TENM1: variants seen among roughly 807,000 people sequenced by gnomAD.
TENM1 encodes teneurin-1.
A neutral mutation model predicts 174.8 loss-of-function variants in TENM1; 35 were observed. The ratio of observed to expected loss-of-function variants is 0.20; its 90% CI spans 0.15 to 0.27. The LOEUF (loss-of-function observed/expected upper bound fraction) is 0.27. Ranked by LOEUF, TENM1 falls within the 10% of genes least tolerant of loss-of-function variation. The probability of loss-of-function intolerance (pLI) is 1.00; values close to 1 mark genes in which losing one functional copy is unlikely to be tolerated. For missense variants in TENM1, 1,633 were observed against 2,130.1 expected, an observed-to-expected ratio of 0.77 and a Z score of 4.59; for synonymous variants, 781 against 798.7, an observed-to-expected ratio of 0.98 and a Z score of 0.37.
chrX:124,756,199 T>A (rs968461512), intron 3 of TENM1, among the ~76,000 whole-genome samples: 1 of 103,024 alleles, frequency 9.7e-6, no homozygotes, highest in African/African-American at 4.0e-5. Context: ...TTTTTATTTT[T>A]TTTTTCTCTA....
chrX:125,109,017 C>T, the TENM1 span, among the ~76,000 whole-genome samples: 63 of 111,182 alleles, frequency 5.7e-4, 1 homozygote, highest in South Asian at 0.023. Context: ...TTTGCATCTT[C>T]TGCTCCCCTG....
chrX:124,768,421 A>C (rs2054579426), intron 3 of TENM1, among the ~76,000 whole-genome samples: 1 of 111,871 alleles, frequency 8.9e-6, no homozygotes, highest in South Asian at 3.7e-4. Context: ...TGGTATCCAA[A>C]TCTTTCTCAT....
the TENM1 span, among the ~76,000 whole-genome samples, chrX:125,059,334 T>C: frequency 3.6e-5 from 4 of 111,548 alleles, no homozygotes; most frequent in African/African-American, 1.3e-4. Context: ...AAATAAACTT[T>C]CTTTTGTTTA....
intron 11 of TENM1, among the ~76,000 whole-genome samples, chrX:124,568,815 T>A (rs1232071663): frequency 9.0e-6 from 1 of 111,565 alleles, no homozygotes; most frequent in Admixed American, 9.5e-5. Flanking sequence ...CATCTGTCAA[T>A]TATACTAGAG....
chrX:125,043,435 A>AG, the TENM1 span, among the ~76,000 whole-genome samples: 29 of 85,448 alleles, frequency 3.4e-4, no homozygotes, highest in East Asian at 0.011. Flanking sequence ...ACTGGACATC[A>AG]GAGAAATGCA....
the TENM1 span, among the ~76,000 whole-genome samples, chrX:125,014,303 A>G: frequency 2.7e-5 from 3 of 112,668 alleles, no homozygotes; most frequent in Admixed American, 2.8e-4. Flanking sequence ...ACAATTGTGG[A>G]CAACAATAAA....
exon 8 of TENM1, chrX:124,652,062 A>C: frequency 8.3e-7 from 1 of 1,211,644 alleles, no homozygotes; most frequent in Non-Finnish European, 1.1e-6. Flanking sequence ...GCTGTGTATC[A>C]TCAGAGCCCT....
intron 11 of TENM1, among the ~76,000 whole-genome samples, chrX:124,618,809 A>G (rs1035249857): frequency 8.9e-6 from 1 of 112,615 alleles, no homozygotes; most frequent in Non-Finnish European, 1.9e-5. Flanking sequence ...GACTGGGCAC[A>G]GTGGCTCATG....
At chrX:124,675,714 G>A (rs974168725) in intron 5 of TENM1, among the ~76,000 whole-genome samples, 16 of 106,692 alleles carry the variant, frequency 1.5e-4, no homozygotes, top group African/African-American at 5.5e-4. Flanking sequence ...AAAAATACAC[G>A]ATATAAAATA....
At chrX:125,010,695 T>C in the TENM1 span, among the ~76,000 whole-genome samples, 1 of 107,719 alleles carries the variant, frequency 9.3e-6, no homozygotes, top group East Asian at 2.9e-4. Context: ...GTGCCTGTAG[T>C]CCCAGCTACT....
At chrX:124,723,249 A>G (rs1050323990) in intron 4 of TENM1, among the ~76,000 whole-genome samples, 2 of 112,170 alleles carry the variant, frequency 1.8e-5, no homozygotes, top group Non-Finnish European at 3.8e-5. Flanking sequence ...ACTACTGTAC[A>G]GAAATTGGCT....
chrX:124,399,755 C>T (rs140582294), intron 27 of TENM1, among the ~76,000 whole-genome samples: 1,697 of 111,059 alleles, frequency 0.015, 31 homozygotes, highest in African/African-American at 0.052. Context: ...TGGCTTGAGT[C>T]CAGGAGTTCA....
At chrX:124,827,089 T>A (rs1411067601) in intron 3 of TENM1, among the ~76,000 whole-genome samples, 1 of 112,009 alleles carries the variant, frequency 8.9e-6, no homozygotes, top group Non-Finnish European at 1.9e-5. Flanking sequence ...CTTGCTCTGT[T>A]GCCCAGGCTG....
chrX:125,176,863 T>G, the TENM1 span, among the ~76,000 whole-genome samples: 8 of 111,719 alleles, frequency 7.2e-5, no homozygotes, highest in Non-Finnish European at 1.5e-4. Context: ...CTTCATGTAC[T>G]TTTTTATGAT....
the TENM1 span, among the ~76,000 whole-genome samples, chrX:125,149,150 G>A: frequency 0.024 from 2 of 84 alleles, no homozygotes; most frequent in Non-Finnish European, 0.049. Flanking sequence ...CATATGACAT[G>A]CATATCAACA....
At chrX:124,406,276 T>A (rs2060460978) in intron 26 of TENM1, 41 bp downstream of exon 29, 1 of 1,082,433 alleles carries the variant, frequency 9.2e-7, no homozygotes, top group East Asian at 3.0e-5. Flanking sequence ...GATGTTGACA[T>A]AGGGGCTGTT....
chrX:125,079,849 T>C, the TENM1 span, among the ~76,000 whole-genome samples: 1 of 111,747 alleles, frequency 8.9e-6, no homozygotes, highest in African/African-American at 3.2e-5. Context: ...ACATGGAGGC[T>C]ATAAGGAATC....
chrX:124,910,232 C>T (rs2057813485), intron 1 of TENM1, among the ~76,000 whole-genome samples: 2 of 112,342 alleles, frequency 1.8e-5, no homozygotes, highest in Admixed American at 1.9e-4. Context: ...CAAATGCAAA[C>T]AGCAACAATG....
the TENM1 span, among the ~76,000 whole-genome samples, chrX:125,087,285 AATATTTTATATACAAAATAT>A: frequency 4.0e-4 from 44 of 111,108 alleles, no homozygotes; most frequent in Non-Finnish European, 5.9e-4. Context: ...GAATATTATC[AATATTTTATATACAAAATAT>A]ATATTTTATA....
Sources: gnomAD v4.1 joint callset for allele counts (sites outside exome capture counted in the v4.1 genomes callset) on GRCh38, gnomAD v4.1.1 for gene constraint, MANE v1.5 for transcripts, NCBI Gene and HGNC (gene_info 2026-07-23, HGNC 2026-07-21) for gene names.